CERKL: variants seen among roughly 807,000 people sequenced by gnomAD.
CERKL encodes the protein CERK like autophagy regulator, also known as ceramide kinase-like protein.
A neutral mutation model predicts 63.4 loss-of-function variants in CERKL; 61 were observed. The observed-to-expected ratio is 0.96, with a 90% CI of 0.78 to 1.19. The LOEUF (loss-of-function observed/expected upper bound fraction) is 1.19. Among genes scored for constraint, CERKL ranks in the 50% most tolerant of loss-of-function variants. The pLI is 0.00. For missense variants in CERKL, 675 were observed against 655.5 expected (o/e 1.03, Z -0.33); for synonymous variants, 250 against 230.5 (o/e 1.08, Z -0.77).
Position 181,539,165 on chromosome 2 carries a change from T to C in CERKL, c.1465A>G (p.Thr489Ala), listed in dbSNP as rs776208541. ...CAAGGGAAACAATTTTCTGAAGCAG[T>C]TTCATCCTCCTCCTCCTCTGGATTA... ...GYNPEEEEDE[T>A]ASENCFPWNV... The change falls in exon 12 of 13, where the codon ACT becomes GCT. Residue 489 changes from threonine to alanine, a missense_variant. By Grantham distance (58) the Thr-to-Ala change is moderately conservative. Coordinates refer to ENST00000410087, the MANE Select transcript of CERKL (RefSeq NM_201548.5). 1 of 1,609,594 alleles carries C rather than the reference T, an allele frequency of 6.2e-7. No homozygotes were observed. The highest frequency in any genetic ancestry group is 8.5e-7 in the Non-Finnish European group (1 of 1,176,016).
At chr2:181,605,201 G>C (rs1462082311) in intron 1 of CERKL, among the ~76,000 whole-genome samples, 1 of 152,160 alleles carries the variant, frequency 6.6e-6, no homozygotes, top group African/African-American at 2.4e-5. Context: ...CAGGTCACAG[G>C]GCAGATACAG....
At chr2:181,560,120 G>T (rs56838071) in intron 4 of CERKL, among the ~76,000 whole-genome samples, 60,222 of 151,840 alleles carry the variant, frequency 0.4, 12,726 homozygotes, top group African/African-American at 0.53. Flanking sequence ...CTTTATGAAT[G>T]AAAAAAACCA....
intron 5 of CERKL, among the ~76,000 whole-genome samples, chr2:181,554,539 C>T (rs1361742266): frequency 6.6e-6 from 1 of 152,098 alleles, no homozygotes; most frequent in African/African-American, 2.4e-5. Context: ...TTTATGTCCT[C>T]TCAGGCTTTT....
At chr2:181,573,409 C>CA (rs1160202314) in intron 3 of CERKL, among the ~76,000 whole-genome samples, 1 of 152,034 alleles carries the variant, frequency 6.6e-6, no homozygotes, top group Non-Finnish European at 1.5e-5. Flanking sequence ...TATAAGTGAG[C>CA]AAAAAATCAA....
At chr2:181,599,895 G>A (rs1685385371) in intron 2 of CERKL, among the ~76,000 whole-genome samples, 1 of 152,056 alleles carries the variant, frequency 6.6e-6, no homozygotes, top group Admixed American at 6.6e-5. Flanking sequence ...AAGGAATATA[G>A]TCCATCAGAC....
chr2:181,564,402 T>C (rs1688576712), intron 4 of CERKL, among the ~76,000 whole-genome samples: 1 of 152,174 alleles, frequency 6.6e-6, no homozygotes, highest in African/African-American at 2.4e-5. Context: ...ATTCATATAA[T>C]GGTTAGGCCA....
intron 4 of CERKL, among the ~76,000 whole-genome samples, chr2:181,564,956 T>G (rs996871161): frequency 2.4e-4 from 36 of 152,340 alleles, no homozygotes; most frequent in African/African-American, 8.4e-4. Context: ...TGATTCCCAA[T>G]GTTTATATAA....
At chr2:181,573,033 T>C (rs1333497965) in intron 3 of CERKL, among the ~76,000 whole-genome samples, 1 of 152,128 alleles carries the variant, frequency 6.6e-6, no homozygotes, top group Non-Finnish European at 1.5e-5. Flanking sequence ...ATTTCCACTG[T>C]TAGCGAAGCC....
At chr2:181,653,267 G>A (rs374035174) in intron 1 of CERKL, among the ~76,000 whole-genome samples, 132 of 152,292 alleles carry the variant, frequency 8.7e-4, no homozygotes, top group African/African-American at 3.1e-3. Context: ...AATAAGTACT[G>A]ACACAGATAT....
chr2:181,643,715 T>C (rs1424399543), intron 1 of CERKL, among the ~76,000 whole-genome samples: 1 of 152,232 alleles, frequency 6.6e-6, no homozygotes, highest in Non-Finnish European at 1.5e-5. Flanking sequence ...CAACATGAGA[T>C]AGCACTGTGA....
At chr2:181,609,858 G>A (rs919698917) in intron 1 of CERKL, among the ~76,000 whole-genome samples, 1 of 152,082 alleles carries the variant, frequency 6.6e-6, no homozygotes, top group Non-Finnish European at 1.5e-5. Flanking sequence ...GATAATGGTG[G>A]CATCTAAGCG....
chr2:181,553,605 AG>A (rs1417740227), intron 5 of CERKL, among the ~76,000 whole-genome samples: 1 of 152,218 alleles, frequency 6.6e-6, no homozygotes, highest in Non-Finnish European at 1.5e-5. Context: ...TTAGAATGCT[AG>A]AGATGGCTTT....
In CERKL at chr2:181,634,871, C is replaced by A. The variant is rs138758087; in HGVS notation, c.238+21898G>T. ...CACATAACTTAGTAGTGTATTATCA[C>A]CTTCAATAGCAGAAGGCTGAGATCT... is the stretch of plus-strand genomic sequence containing the variant. On this transcript the variant is annotated intron_variant, in intron 1 of 12. Coordinates refer to ENST00000410087, the MANE Select transcript of CERKL (RefSeq NM_201548.5). Among the ~76,000 whole-genome samples the A allele has an allele frequency of 1.4e-4, 21 of 152,238 alleles. No individual in the cohort carries two copies. In the East Asian group the frequency reaches 3.9e-3, roughly 28 times the overall value.
chr2:181,606,751 C>G (rs901764873), intron 1 of CERKL, among the ~76,000 whole-genome samples: 5 of 152,098 alleles, frequency 3.3e-5, no homozygotes, highest in Non-Finnish European at 4.4e-5. Context: ...CTCAAAGTAT[C>G]AATTCAACAG....
At chr2:181,605,994 A>G (rs1474491196) in intron 1 of CERKL, among the ~76,000 whole-genome samples, 2 of 151,742 alleles carry the variant, frequency 1.3e-5, no homozygotes, top group Non-Finnish European at 2.9e-5. Flanking sequence ...CACAAAGTAT[A>G]CATACCACTA....
chr2:181,622,750 A>G (rs1324221789), intron 1 of CERKL, among the ~76,000 whole-genome samples: 1 of 152,202 alleles, frequency 6.6e-6, no homozygotes, highest in East Asian at 1.9e-4. Context: ...ACCCTGAAAA[A>G]TTTATACAAA....
rs571979897 is a variant in CERKL, at chr2:181,543,870, C to G, written c.1365+830G>C. Among the ~76,000 whole-genome samples the G allele has an allele frequency of 7.3e-5, 11 of 151,444 alleles. No homozygotes were observed. In the East Asian group the frequency reaches 1.9e-3, roughly 27 times the overall value. On this transcript the variant is annotated intron_variant, in intron 11 of 12. Coordinates refer to ENST00000410087, the MANE Select transcript of CERKL (RefSeq NM_201548.5). ...ATGGAGGTGTGAGCCTGTAATCCCA[C>G]CTACTCGGGAGGCTGAGGCAGGAGA...
intron 2 of CERKL, among the ~76,000 whole-genome samples, chr2:181,600,842 C>A (rs1685428089): frequency 6.6e-6 from 1 of 152,192 alleles, no homozygotes; most frequent in African/African-American, 2.4e-5. Context: ...TTAAATCAGA[C>A]TCTTGACCAA....
At chr2:181,628,983 G>T (rs1207977438) in intron 1 of CERKL, among the ~76,000 whole-genome samples, 1 of 152,146 alleles carries the variant, frequency 6.6e-6, no homozygotes, top group African/African-American at 2.4e-5. Context: ...GACTAGAGTA[G>T]TAAAAGCTTA....
Sources: allele counts gnomAD v4.1 joint callset (sites outside exome capture counted in the v4.1 genomes callset), GRCh38; gene constraint gnomAD v4.1.1; transcripts MANE v1.5; gene names NCBI Gene and HGNC (gene_info 2026-07-23, HGNC 2026-07-21).